CHD6: variants seen among roughly 807,000 people sequenced by gnomAD.
CHD6 encodes the protein chromodomain helicase DNA binding protein 6.
CHD6 carries 50 observed loss-of-function variants against 276.9 expected under a neutral mutation model. That is an observed-to-expected ratio of 0.18 (90% CI 0.14 to 0.23). The LOEUF (loss-of-function observed/expected upper bound fraction) is 0.23. Among genes scored for constraint, CHD6 ranks in the 10% least tolerant of loss-of-function variants. The probability of loss-of-function intolerance (pLI) is 1.00; values close to 1 mark genes in which losing one functional copy is unlikely to be tolerated. For synonymous variants in CHD6, 1,173 were observed against 1,229.3 expected (o/e 0.95, Z 0.96); for missense variants, 2,564 against 3,365.8 (o/e 0.76, Z 5.89).
At chr20:41,450,295 A>G (rs2048196750) in intron 23 of CHD6, among the ~76,000 whole-genome samples, 1 of 152,194 alleles carries the variant, frequency 6.6e-6, no homozygotes, top group Admixed American at 6.5e-5. Flanking sequence ...TGCTGGGAAG[A>G]TAACTCTTGC....
At chr20:41,559,463 A>C (rs2045278242) in intron 1 of CHD6, among the ~76,000 whole-genome samples, 1 of 152,152 alleles carries the variant, frequency 6.6e-6, no homozygotes, top group Non-Finnish European at 1.5e-5. Context: ...CTAGTTACCA[A>C]ACCTAATGGG....
chr20:41,458,849 T>C lies in CHD6; in HGVS notation c.2665-1421A>G, dbSNP rs543205259. On this transcript the variant is annotated intron_variant, in intron 17 of 36. Coordinates refer to ENST00000373233, the MANE Select transcript of CHD6 (RefSeq NM_032221.5). ...TGACACTGAGAGGAAGAGGTGGCCA[T>C]GCCATGTGAGTGAGCCCTGCAGGTA... is the stretch of plus-strand genomic sequence containing the variant. Among the ~76,000 whole-genome samples the C allele has an allele frequency of 5.3e-5, 8 of 152,210 alleles. No homozygotes were observed. The South Asian group carries it at 1.7e-3, about 32-fold the overall frequency.
In CHD6 at chr20:41,484,588, A is replaced by T; in HGVS notation, c.2021T>A (p.Ile674Asn). Residue 674 changes from isoleucine (I) to asparagine (N), a missense_variant, in exon 15 of 37, where the codon ATC becomes AAC. Transcript: ENST00000373233. Reference protein sequence around the residue: ...TEEQVKKLQSILKPMMLRRLK... With the variant: ...TEEQVKKLQSNLKPMMLRRLK... ...CCGCCGAAGCATCATTGGTTTTAGG[A>T]TAGACTGCAGTTTCTTTACCTGTCC... 1 of 1,613,762 alleles carries T rather than the reference A, an allele frequency of 6.2e-7. No homozygotes were observed. Among genetic ancestry groups the T allele is most frequent in the Non-Finnish European group, 8.5e-7 (1 of 1,179,788 alleles).
chr20:41,527,338 T>C (rs967141176), intron 3 of CHD6, among the ~76,000 whole-genome samples: 3 of 152,058 alleles, frequency 2.0e-5, no homozygotes, highest in Admixed American at 1.3e-4. Flanking sequence ...GCAGAACTGC[T>C]TGAACCCGGG....
chr20:41,592,060 C>T (rs2045668030), intron 1 of CHD6, among the ~76,000 whole-genome samples: 1 of 151,456 alleles, frequency 6.6e-6, no homozygotes, highest in African/African-American at 2.4e-5. Flanking sequence ...GATCGTGCCG[C>T]TGCACTCCAG....
chr20:41,468,282 G>T (rs903789919), intron 17 of CHD6, among the ~76,000 whole-genome samples: 6 of 151,874 alleles, frequency 4.0e-5, no homozygotes, highest in African/African-American at 1.2e-4. Context: ...GCTAATTTTT[G>T]TATTTTTAGT....
At position 41,402,300 on chromosome 20, in the gene CHD6, T is replaced by C. The variant is rs1362325916; in HGVS notation, c.*2293A>G. The C allele has an allele frequency of 4.4e-6, 1 of 225,566 alleles. No individual in the cohort carries two copies. The highest frequency in any genetic ancestry group is 2.2e-5 in the African/African-American group (1 of 44,932). The allele number at this position is 225,566 out of a possible 1,614,324, so 14.0% of individuals were successfully genotyped here. On this transcript the variant is annotated 3_prime_UTR_variant, in exon 37 of 37. Coordinates refer to ENST00000373233, the MANE Select transcript of CHD6 (RefSeq NM_032221.5). ...AAGCACTTGTGCCTTACAGAGCAAA[T>C]AATCCACAGAGTGTCATATTCATTT...
rs142605942 is a variant in CHD6, at chr20:41,421,926, T to C, written c.4709A>G (p.Tyr1570Cys). The C allele has an allele frequency of 1.2e-6, 2 of 1,613,878 alleles. No individual in the cohort carries two copies. Among genetic ancestry groups the C allele is most frequent in the African/African-American group, 2.7e-5 (2 of 74,874 alleles). ...CCCACACTCCCACCAGACTGGGAGGTAGAGGCTGGGCCTGCACAGCTGGAG... is the reference window on the plus strand; with the variant it reads ...CCCACACTCCCACCAGACTGGGAGGCAGAGGCTGGGCCTGCACAGCTGGAG... ...ERLQLCRPSLYLPVWWECGKH... is the reference protein window; with the variant it reads ...ERLQLCRPSLCLPVWWECGKH... Residue 1570 changes from tyrosine (Y) to cysteine (C), a missense_variant, in exon 31 of 37, where the codon TAC (tyrosine) becomes TGC (cysteine). Physicochemically the swap from Tyr to Cys is radical, Grantham distance 194. Transcript: ENST00000373233.
At chr20:41,447,774 T>C in intron 24 of CHD6, 108 bp downstream of exon 24, 1 of 674,662 alleles carries the variant, frequency 1.5e-6, no homozygotes, top group Admixed American at 2.5e-5. Context: ...GGGCAGGGGG[T>C]AGGAGGAACA....
chr20:41,602,368 T>G, intron 1 of CHD6, among the ~76,000 whole-genome samples: 1 of 152,208 alleles, frequency 6.6e-6, no homozygotes, highest in East Asian at 1.9e-4. Flanking sequence ...CCATTTCACC[T>G]TCCTATGAGG....
At chr20:41,556,553 A>T (rs1429624646) in intron 1 of CHD6, among the ~76,000 whole-genome samples, 1 of 152,120 alleles carries the variant, frequency 6.6e-6, no homozygotes, top group African/African-American at 2.4e-5. Flanking sequence ...TGAAAATATC[A>T]CATCAGCCTT....
At chr20:41,505,360 C>A (rs1259935291) in intron 5 of CHD6, among the ~76,000 whole-genome samples, 2 of 152,120 alleles carry the variant, frequency 1.3e-5, no homozygotes, top group Non-Finnish European at 2.9e-5. Context: ...AATCCCCTTG[C>A]TTTGGGGATT....
At chr20:41,500,496 A>G (rs2043805080) in intron 5 of CHD6, among the ~76,000 whole-genome samples, 1 of 152,216 alleles carries the variant, frequency 6.6e-6, no homozygotes, top group Non-Finnish European at 1.5e-5. Flanking sequence ...ATTGTGCTAG[A>G]TGCCATACAG....
intron 1 of CHD6, among the ~76,000 whole-genome samples, chr20:41,585,110 G>A (rs1458430901): frequency 6.6e-6 from 1 of 152,106 alleles, no homozygotes; most frequent in Non-Finnish European, 1.5e-5. Context: ...TACATTAAAG[G>A]AAAATAATGG....
intron 17 of CHD6, among the ~76,000 whole-genome samples, chr20:41,469,586 T>C (rs1210174839): frequency 6.6e-6 from 1 of 152,212 alleles, no homozygotes; most frequent in Admixed American, 6.5e-5. Context: ...TTCTTAACCT[T>C]AGGTGTTATG....
intron 1 of CHD6, among the ~76,000 whole-genome samples, chr20:41,576,499 A>C (rs1030839977): frequency 1.3e-5 from 2 of 152,162 alleles, no homozygotes; most frequent in African/African-American, 2.4e-5. Context: ...CAGCCTGGCC[A>C]ACATGGTGAA....
intron 1 of CHD6, among the ~76,000 whole-genome samples, chr20:41,589,580 A>T (rs1199616884): frequency 6.6e-6 from 1 of 152,214 alleles, no homozygotes; most frequent in Non-Finnish European, 1.5e-5. Context: ...AATAACAGGC[A>T]AACAGAGAGC....
chr20:41,404,132 C>T lies in CHD6; in HGVS notation c.*461G>A. The T allele has an allele frequency of 1.9e-6, 2 of 1,057,246 alleles. No homozygotes were observed. The highest frequency in any genetic ancestry group is 3.3e-5 in the African/African-American group (2 of 60,806). 65.5% of individuals were successfully genotyped at this position (1,057,246 alleles called of 1,614,324 possible). The stretch of plus-strand genomic sequence containing the variant: ...ATTTTAACTCAAAAATATGCACCAG[C>T]ACTTCCTTTTTCTGTGCTTTTTGGT... On this transcript the variant is annotated 3_prime_UTR_variant, in exon 37 of 37. Transcript: ENST00000373233.
chr20:41,578,407 G>A (rs1199578136), intron 1 of CHD6, among the ~76,000 whole-genome samples: 2 of 152,026 alleles, frequency 1.3e-5, no homozygotes, highest in East Asian at 3.9e-4. Context: ...TTTTAAAAAA[G>A]TTTTTTAATA....
Sources: allele counts gnomAD v4.1 joint callset (sites outside exome capture counted in the v4.1 genomes callset), GRCh38; gene constraint gnomAD v4.1.1; transcripts MANE v1.5; gene names NCBI Gene and HGNC (gene_info 2026-07-23, HGNC 2026-07-21).